Variants in TSPEAR observed in about 807,000 individuals in gnomAD.
The protein encoded by TSPEAR is thrombospondin type laminin G domain and EAR repeats.
TSPEAR carries 69 observed loss-of-function variants against 71.6 expected under a neutral mutation model. The observed-to-expected ratio is 0.96, with a 90% CI of 0.79 to 1.18. TSPEAR has a LOEUF of 1.18. Among genes scored for constraint, TSPEAR ranks in the 50% most tolerant of loss-of-function variants. The probability of loss-of-function intolerance (pLI) is 0.00; values close to 1 mark genes in which losing one functional copy is unlikely to be tolerated. For missense variants in TSPEAR, 971 were observed against 894.9 expected, an observed-to-expected ratio of 1.09 and a Z score of -1.09; for synonymous variants, 402 against 387.2, an observed-to-expected ratio of 1.04 and a Z score of -0.45.
At chr21:44,558,616 T>A (rs377549) in intron 2 of TSPEAR, 2 of 1,612,282 alleles carry the variant, frequency 1.2e-6, no homozygotes, top group Admixed American at 3.3e-5. Context: ...CAGCAGCTGG[T>A]GGCGCAGCAG....
Position 44,642,061 on chromosome 21 carries a change from T to C in TSPEAR, c.82+69372A>G, listed in dbSNP as rs1555938661. ...GACATGAAAGATGGAAAAAGAAGTA[T>C]GCTCACAGATTCAGAGATTTTCCTG... On this transcript the variant is annotated intron_variant, in intron 1 of 11. Transcript: ENST00000323084. The surrounding 1 kb of genome is among the most constrained non-coding windows in gnomAD (Gnocchi z 4.1). 6.6e-6 allele frequency among the ~76,000 whole-genome samples: 1 copy of C among 152,214 alleles called. No homozygotes were observed.
At chr21:44,513,603 G>C (rs1374176790) in intron 9 of TSPEAR, among the ~76,000 whole-genome samples, 1 of 152,210 alleles carries the variant, frequency 6.6e-6, no homozygotes, top group Non-Finnish European at 1.5e-5. Context: ...GGATGATGGT[G>C]CTTCCGGGAC....
At chr21:44,605,823 G>A (rs1384082084) in intron 1 of TSPEAR, among the ~76,000 whole-genome samples, 1 of 152,130 alleles carries the variant, frequency 6.6e-6, no homozygotes, top group Non-Finnish European at 1.5e-5. Flanking sequence ...GAAGACCTCG[G>A]CATAAGACCT....
At chr21:44,690,436 G>T in intron 1 of TSPEAR, 1 of 534,430 alleles carries the variant, frequency 1.9e-6, no homozygotes, top group Non-Finnish European at 2.4e-6. Context: ...GGTTCCCATG[G>T]GCTTCCAGAA....
intron 1 of TSPEAR, among the ~76,000 whole-genome samples, chr21:44,613,296 T>G (rs1555931731): frequency 1.3e-5 from 2 of 152,186 alleles, no homozygotes; most frequent in African/African-American, 2.4e-5. Context: ...GTGAGTTACT[T>G]AACCTAGAAG....
intron 2 of TSPEAR, among the ~76,000 whole-genome samples, chr21:44,542,742 T>TAAAAAAAAAAAAAAAAAG (rs11404148): frequency 8.3e-6 from 1 of 120,056 alleles, no homozygotes; most frequent in Non-Finnish European, 1.7e-5. Flanking sequence ...AGAGACCTGT[T>TAAAAAAAAAAAAAAAAAG]AAAAAAAAAA....
At chr21:44,649,168 C>T (rs587745589) in intron 1 of TSPEAR, among the ~76,000 whole-genome samples, 20 of 152,288 alleles carry the variant, frequency 1.3e-4, no homozygotes, top group East Asian at 7.7e-4. Context: ...GTCTGTAAGG[C>T]GAGGACATGG....
At chr21:44,513,011 T>C (rs1264052885) in intron 9 of TSPEAR, among the ~76,000 whole-genome samples, 2 of 152,232 alleles carry the variant, frequency 1.3e-5, no homozygotes. Flanking sequence ...CCCTGTTCAA[T>C]CTAAATTTCA....
chr21:44,551,171 C>T (rs1555918773), intron 2 of TSPEAR: 1 of 1,571,530 alleles, frequency 6.4e-7, no homozygotes, highest in Non-Finnish European at 8.7e-7. Flanking sequence ...AGCAGGCCTG[C>T]TGGCAGGGGG....
chr21:44,601,559 G>A (rs1895922147), intron 1 of TSPEAR: 1 of 1,613,226 alleles, frequency 6.2e-7, no homozygotes, highest in South Asian at 1.1e-5. Flanking sequence ...TCCCTCCTCT[G>A]CCGCCCCGTG....
chr21:44,579,923 G>A lies in TSPEAR; in HGVS notation c.83-11918C>T, dbSNP rs587594191. 4.3e-5 allele frequency: 70 copies of A among 1,614,002 alleles called. 1 individual carries two copies. The Middle Eastern group carries it at 9.9e-4, about 23-fold the overall frequency. ...GGGGCGGCAGAGGAGGGACACGGAGGAGGAGGGTCTGCAGCAGGAGGTGGT... is the reference window on the plus strand; with the variant it reads ...GGGGCGGCAGAGGAGGGACACGGAGAAGGAGGGTCTGCAGCAGGAGGTGGT... On this transcript the variant is annotated intron_variant, in intron 1 of 11. Coordinates refer to ENST00000323084, the MANE Select transcript of TSPEAR (RefSeq NM_144991.3).
intron 1 of TSPEAR, chr21:44,654,199 G>C (rs1359407796): frequency 1.7e-6 from 2 of 1,191,372 alleles, no homozygotes; most frequent in African/African-American, 3.0e-5. Flanking sequence ...GGAGGATGTG[G>C]GGACTGCCTG....
intron 1 of TSPEAR, among the ~76,000 whole-genome samples, chr21:44,649,300 C>T (rs587744706): frequency 7.9e-5 from 12 of 152,298 alleles, no homozygotes; most frequent in East Asian, 1.9e-4. Flanking sequence ...GGATGAGCAG[C>T]GGTCTGTGGA....
chr21:44,550,822 A>G (rs1555918544), intron 2 of TSPEAR: 4 of 1,535,356 alleles, frequency 2.6e-6, no homozygotes, highest in South Asian at 1.2e-5. Flanking sequence ...TGGCAGCTAG[A>G]CTGCTGGCAG....
intron 9 of TSPEAR, among the ~76,000 whole-genome samples, chr21:44,510,097 C>T (rs1173234738): frequency 6.6e-6 from 1 of 152,180 alleles, no homozygotes; most frequent in East Asian, 1.9e-4. Context: ...CACGGAGGCC[C>T]AACTGCGGCA....
chr21:44,644,024 C>T (rs976377227), intron 1 of TSPEAR, among the ~76,000 whole-genome samples: 7 of 152,212 alleles, frequency 4.6e-5, no homozygotes, highest in Admixed American at 2.0e-4. Context: ...AAGACCTGGC[C>T]GTGGGCCACC....
At chr21:44,664,263 C>T (rs971589692) in intron 1 of TSPEAR, among the ~76,000 whole-genome samples, 2 of 151,944 alleles carry the variant, frequency 1.3e-5, no homozygotes, top group African/African-American at 4.8e-5. Flanking sequence ...TGCCAATATA[C>T]AAAAATCGAT....
intron 1 of TSPEAR, among the ~76,000 whole-genome samples, chr21:44,584,609 CCT>C (rs150596176): frequency 1.3e-5 from 2 of 150,710 alleles, no homozygotes; most frequent in East Asian, 1.9e-4. Context: ...GTCCTCTCTC[CCT>C]CTCTCTCTCT....
intron 1 of TSPEAR, chr21:44,690,511 A>G (rs1987081671): frequency 3.1e-6 from 3 of 977,256 alleles, no homozygotes; most frequent in Non-Finnish European, 3.6e-6. Flanking sequence ...AGCATCAGAC[A>G]TCTCATCAGC....
Sources: gnomAD v4.1 joint callset for allele counts (sites outside exome capture counted in the v4.1 genomes callset) on GRCh38, gnomAD v4.1.1 for gene constraint, Gnocchi (gnomAD v3.1) non-coding constraint, MANE v1.5 for transcripts, NCBI Gene and HGNC (gene_info 2026-07-23, HGNC 2026-07-21) for gene names.